PCDHGA2: variants seen among roughly 807,000 people sequenced by gnomAD.
The protein encoded by PCDHGA2 is protocadherin gamma-A2.
Under a neutral mutation model 59.2 loss-of-function variants are expected in PCDHGA2, and 40 were observed. That is an observed-to-expected ratio of 0.68 (90% CI 0.52 to 0.88). The LOEUF (loss-of-function observed/expected upper bound fraction) is 0.88, where lower values mean the gene tolerates loss of function less well. PCDHGA2 is among the 40% of genes least tolerant of loss of function. The pLI is 0.00. For missense variants in PCDHGA2, 1,226 were observed against 1,204.0 expected (o/e 1.02, Z -0.27); for synonymous variants, 560 against 526.0 (o/e 1.06, Z -0.89).
At position 141,476,294 on chromosome 5, in the gene PCDHGA2, A is replaced by T. The variant is rs376905832; in HGVS notation, c.2425-18513A>T. On this transcript the variant is annotated intron_variant, in intron 1 of 3. Coordinates refer to ENST00000394576, the MANE Select transcript of PCDHGA2 (RefSeq NM_018915.4). The surrounding 1 kb of genome is among the most constrained non-coding windows in gnomAD (Gnocchi z 7.6). ...CGCGAACCTTGGTTTGGATCTCGGT[A>T]GCCTCTCAGCCCGCAGGTTCCGGGT... is the stretch of plus-strand genomic sequence containing the variant. 2 of 1,613,036 alleles carry T rather than the reference A, an allele frequency of 1.2e-6. No homozygotes were observed. The highest frequency in any genetic ancestry group is 1.7e-6 in the Non-Finnish European group (2 of 1,179,642).
intron 1 of PCDHGA2, among the ~76,000 whole-genome samples, chr5:141,382,313 T>G (rs1490254305): frequency 1.3e-5 from 2 of 152,226 alleles, no homozygotes; most frequent in African/African-American, 4.8e-5. Flanking sequence ...TTATATACAC[T>G]GATGTAAATA....
At chr5:141,362,916 A>G (rs17097238) in intron 1 of PCDHGA2, among the ~76,000 whole-genome samples, 21,522 of 152,218 alleles carry the variant, frequency 0.14, 2,117 homozygotes, top group African/African-American at 0.29. Context: ...ATAATACTTC[A>G]GAGTAAAGAG....
intron 1 of PCDHGA2, chr5:141,389,674 G>T (rs763404625): frequency 1.2e-6 from 2 of 1,612,448 alleles, no homozygotes; most frequent in Admixed American, 3.3e-5. Flanking sequence ...GCAGACTCAG[G>T]ACACAACGCC....
chr5:141,469,436 G>A (rs556417221), intron 1 of PCDHGA2, among the ~76,000 whole-genome samples: 11 of 152,118 alleles, frequency 7.2e-5, no homozygotes, highest in East Asian at 1.9e-4. Flanking sequence ...TTAGCTGGGC[G>A]TGGTGGTGCA....
At chr5:141,346,142 C>A (rs755489329) in intron 1 of PCDHGA2, 1 of 1,614,010 alleles carries the variant, frequency 6.2e-7, no homozygotes, top group Non-Finnish European at 8.5e-7. Context: ...TCTCCTGCGT[C>A]TTCCTGGCCT....
At chr5:141,494,075 C>T (rs1482844644) in intron 1 of PCDHGA2, among the ~76,000 whole-genome samples, 7 of 152,322 alleles carry the variant, frequency 4.6e-5, no homozygotes, top group East Asian at 1.9e-4. Context: ...GATCCCTCCC[C>T]GCTGCATCCC....
At chr5:141,408,473 G>A (rs2095117243) in intron 1 of PCDHGA2, 5 of 1,613,952 alleles carry the variant, frequency 3.1e-6, no homozygotes, top group African/African-American at 1.3e-5. Flanking sequence ...GAACCGAATA[G>A]ACCGTGAGCA....
chr5:141,345,182 AG>A (rs752798793), intron 1 of PCDHGA2: 1 of 1,614,002 alleles, frequency 6.2e-7, no homozygotes, highest in East Asian at 2.2e-5. Flanking sequence ...GGCAGGTTGA[AG>A]TTTTTGTCCT....
chr5:141,408,053 TC>T, intron 1 of PCDHGA2: 1 of 1,288,090 alleles, frequency 7.8e-7, no homozygotes, highest in South Asian at 1.6e-5. Context: ...ACACAGAGCC[TC>T]CCGGCTGCGC....
In PCDHGA2 at chr5:141,340,213, GTT is replaced by G; in HGVS notation, c.1245_1246del (p.Ser416LeufsTer9). On this transcript the variant is annotated frameshift_variant, in exon 1 of 4. Coordinates refer to ENST00000394576, the MANE Select transcript of PCDHGA2 (RefSeq NM_018915.4). LOFTEE classifies it high-confidence loss of function. ...CAACCAGAGCCCTTGACAGGGAACA[GTT>G]TTCCTTTTACAACATCACTCTAACC... ...VTTRALDREQ[F>X]SFYNITLTAK... The G allele has an allele frequency of 6.2e-7, 1 of 1,614,216 alleles. No individual in the cohort carries two copies. The highest frequency in any genetic ancestry group is 8.5e-7 in the Non-Finnish European group (1 of 1,180,032).
At chr5:141,421,926 C>A in intron 1 of PCDHGA2, 1 of 1,613,460 alleles carries the variant, frequency 6.2e-7, no homozygotes, top group Non-Finnish European at 8.5e-7. Flanking sequence ...GTGTGGTGGT[C>A]CTCGATGTAA....
chr5:141,374,104 T>A (rs200348921), intron 1 of PCDHGA2: 3 of 1,570,610 alleles, frequency 1.9e-6, no homozygotes, highest in Non-Finnish European at 8.6e-7. Context: ...CGCAGAGGCA[T>A]CCGCAGCGCA....
At chr5:141,398,287 C>G in intron 1 of PCDHGA2, 1 of 1,396,196 alleles carries the variant, frequency 7.2e-7, no homozygotes, top group Non-Finnish European at 9.8e-7. Flanking sequence ...CGCCACGGAC[C>G]TGGGGTTCAG....
Position 141,477,535 on chromosome 5 carries a change from G to A in PCDHGA2, c.2425-17272G>A, listed in dbSNP as rs2099412713. ...ACATTGAAGAAAACAACCTCCCCGG[G>A]GCTCCAATACTAAACCTAAGTGTCT... On this transcript the variant is annotated intron_variant, in intron 1 of 3. Transcript: ENST00000394576. The surrounding 1 kb of genome is among the most constrained non-coding windows in gnomAD (Gnocchi z 4.9). 1.2e-6 allele frequency: 2 copies of A among 1,613,936 alleles called. No homozygotes were observed. The highest frequency in any genetic ancestry group is 2.7e-5 in the African/African-American group (2 of 74,866).
intron 1 of PCDHGA2, among the ~76,000 whole-genome samples, chr5:141,397,520 TA>T (rs2093534630): frequency 6.6e-6 from 1 of 152,170 alleles, no homozygotes; most frequent in South Asian, 2.1e-4. Flanking sequence ...CCATAGCTAA[TA>T]AAAAATGAAT....
In PCDHGA2 at chr5:141,340,574, C is replaced by T. The variant is rs1254379585; in HGVS notation, c.1603C>T (p.Arg535Trp). 3 of 1,614,084 alleles carry T rather than the reference C, an allele frequency of 1.9e-6. No individual in the cohort carries two copies. Among genetic ancestry groups the T allele is most frequent in the Non-Finnish European group, 2.5e-6 (3 of 1,180,048 alleles). The change falls in exon 1 of 4, where the codon CGG becomes TGG. Residue 535 changes from arginine to tryptophan, a missense_variant. By Grantham distance (101) the Arg-to-Trp change is moderately radical. Coordinates refer to ENST00000394576, the MANE Select transcript of PCDHGA2 (RefSeq NM_018915.4). ...LRDLQVWVIA[R>W]DSGNPPLSSN... ...AGACTTGCAAGTGTGGGTGATAGCG[C>T]GGGACAGCGGGAACCCTCCACTCAG...
intron 1 of PCDHGA2, chr5:141,376,026 A>T: frequency 6.2e-7 from 1 of 1,613,128 alleles, no homozygotes; most frequent in African/African-American, 1.3e-5. Context: ...GCCGTCCAGG[A>T]CCACGGCCAG....
chr5:141,395,961 G>C (rs1016569431), intron 1 of PCDHGA2: 1 of 151,956 alleles, frequency 6.6e-6, no homozygotes, highest in Non-Finnish European at 1.5e-5. Flanking sequence ...AAAAACAAAA[G>C]CAAAAACATT....
chr5:141,383,377 C>G (rs527434740), intron 1 of PCDHGA2: 1 of 1,614,010 alleles, frequency 6.2e-7, no homozygotes, highest in African/African-American at 1.3e-5. Context: ...GGCTGGGGAT[C>G]CAGATGTGGG....
Sources: gnomAD v4.1 joint callset for allele counts (sites outside exome capture counted in the v4.1 genomes callset) on GRCh38, gnomAD v4.1.1 for gene constraint, Gnocchi (gnomAD v3.1) non-coding constraint, MANE v1.5 for transcripts, NCBI Gene and HGNC (gene_info 2026-07-23, HGNC 2026-07-21) for gene names.